Variants in TMEM272 observed in about 807,000 individuals in gnomAD.
TMEM272 encodes the protein long intergenic non-protein coding RNA 282.
A neutral mutation model predicts 3.7 loss-of-function variants in TMEM272; 8 were observed. That is an observed-to-expected ratio of 2.17 (90% CI 1.27 to 3.91). The LOEUF is 3.91. Among genes scored for constraint, TMEM272 ranks in the 30% most tolerant of loss-of-function variants. The probability of loss-of-function intolerance (pLI) is 0.00; values close to 1 mark genes in which losing one functional copy is unlikely to be tolerated. For synonymous variants in TMEM272, 63 were observed against 39.8 expected (o/e 1.58, Z -2.20); for missense variants, 166 against 91.5 (o/e 1.81, Z -3.32).
chr13:51,844,258 G>A (rs199827954), intron 1 of TMEM272, among the ~76,000 whole-genome samples: 4 of 112,606 alleles, frequency 3.6e-5, no homozygotes, highest in Non-Finnish European at 7.4e-5. Context: ...ATATATATAT[G>A]ATTGTGTTTT....
upstream of TMEM272, among the ~76,000 whole-genome samples, chr13:51,846,041 C>T (rs1229469736): frequency 6.6e-6 from 1 of 152,158 alleles, no homozygotes; most frequent in Non-Finnish European, 1.5e-5. Flanking sequence ...AAGAGAAGAG[C>T]CTATTATGTA....
At chr13:51,822,353 C>A (rs1178382311) in intron 3 of TMEM272, among the ~76,000 whole-genome samples, 1 of 152,182 alleles carries the variant, frequency 6.6e-6, no homozygotes, top group African/African-American at 2.4e-5. Flanking sequence ...GCGATAAATA[C>A]TCCCGCAGAC....
At chr13:51,923,979 A>G in the TMEM272 span, among the ~76,000 whole-genome samples, 3 of 152,200 alleles carry the variant, frequency 2.0e-5, no homozygotes, top group Admixed American at 6.5e-5. Flanking sequence ...TGGGGGCTCT[A>G]TGAATTATCT....
chr13:51,853,918 CTCTATTT>C, the TMEM272 span, among the ~76,000 whole-genome samples: 1 of 152,114 alleles, frequency 6.6e-6, no homozygotes, highest in South Asian at 2.1e-4. Context: ...TTCATCTTTG[CTCTATTT>C]TCTGATTTCT....
At chr13:51,920,577 C>T in the TMEM272 span, among the ~76,000 whole-genome samples, 1 of 152,174 alleles carries the variant, frequency 6.6e-6, no homozygotes, top group Non-Finnish European at 1.5e-5. Context: ...CCATCCTACC[C>T]ATGTGCACCA....
chr13:51,843,020 AAT>A (rs1469004862), intron 1 of TMEM272, among the ~76,000 whole-genome samples: 3 of 152,262 alleles, frequency 2.0e-5, no homozygotes, highest in African/African-American at 7.2e-5. Context: ...TGCCACCAGC[AAT>A]ATGAGAGTGG....
chr13:51,884,829 A>G, the TMEM272 span, among the ~76,000 whole-genome samples: 1 of 152,214 alleles, frequency 6.6e-6, no homozygotes, highest in Non-Finnish European at 1.5e-5. Context: ...AGCACTTAGG[A>G]CATCACCTGG....
At chr13:51,855,013 A>G in the TMEM272 span, among the ~76,000 whole-genome samples, 1 of 152,186 alleles carries the variant, frequency 6.6e-6, no homozygotes, top group African/African-American at 2.4e-5. Context: ...AGGGAGAAAA[A>G]TTTTGAGACC....
chr13:51,838,547 C>A lies in TMEM272; in HGVS notation c.-17G>T, dbSNP rs1364746604. On this transcript the variant is annotated 5_prime_UTR_variant, in exon 2 of 5. Coordinates refer to ENST00000629372, the MANE Select transcript of TMEM272 (RefSeq NM_001351003.2). ...TCCTGGCATTGTTCTTGCTCGCTGA[C>A]AAAGTTCTGAGGATCAAAAATAATT... 8.5e-6 allele frequency: 6 copies of A among 703,028 alleles called. No homozygotes were observed. The East Asian group carries it at 1.6e-4, about 19-fold the overall frequency. 43.5% of individuals were successfully genotyped at this position (703,028 alleles called of 1,614,324 possible).
At chr13:51,852,745 G>A in the TMEM272 span, among the ~76,000 whole-genome samples, 1 of 152,074 alleles carries the variant, frequency 6.6e-6, no homozygotes, top group African/African-American at 2.4e-5. Context: ...CGGGCGTGGT[G>A]GCGGGCTTCT....
At chr13:51,879,935 C>T in the TMEM272 span, among the ~76,000 whole-genome samples, 3 of 152,096 alleles carry the variant, frequency 2.0e-5, no homozygotes, top group South Asian at 2.1e-4. Context: ...AACAGGGAGT[C>T]GAGTCATTAT....
At chr13:51,910,721 T>C in the TMEM272 span, 2 of 385,184 alleles carry the variant, frequency 5.2e-6, no homozygotes, top group East Asian at 1.3e-4. Flanking sequence ...AACTCAAATC[T>C]GCGCCAGGCA....
the TMEM272 span, among the ~76,000 whole-genome samples, chr13:51,924,160 T>A: frequency 6.6e-6 from 1 of 152,182 alleles, no homozygotes; most frequent in Non-Finnish European, 1.5e-5. Flanking sequence ...CATTCCTGTC[T>A]GGGACTGGCC....
At chr13:51,924,551 T>C in the TMEM272 span, among the ~76,000 whole-genome samples, 1 of 152,130 alleles carries the variant, frequency 6.6e-6, no homozygotes, top group Non-Finnish European at 1.5e-5. Flanking sequence ...ACTTCTGCAT[T>C]CTTGGGGCCA....
rs184754136 is a variant in TMEM272 at position 51,817,966 on chromosome 13, G to A, written c.202-853C>T. 8.7e-4 allele frequency among the ~76,000 whole-genome samples: 132 copies of A among 152,314 alleles called. 1 individual carries two copies. The highest frequency in any genetic ancestry group is 2.8e-3 in the African/African-American group (118 of 41,566). Reference sequence around the variant, plus strand: ...CACACTTTCCCCCTGGAAATGCAGCGGTGGAAGGACACAGGTGGTCTTTGC... The same window carrying A: ...CACACTTTCCCCCTGGAAATGCAGCAGTGGAAGGACACAGGTGGTCTTTGC... On this transcript the variant is annotated intron_variant, in intron 4 of 4. Transcript: ENST00000629372.
chr13:51,925,123 G>A, the TMEM272 span, among the ~76,000 whole-genome samples: 18 of 152,152 alleles, frequency 1.2e-4, no homozygotes, highest in African/African-American at 4.3e-4. Context: ...GAAGGAATGC[G>A]CCACTGTTTA....
the TMEM272 span, among the ~76,000 whole-genome samples, chr13:51,888,112 C>G: frequency 6.6e-6 from 1 of 150,950 alleles, no homozygotes; most frequent in Non-Finnish European, 1.5e-5. Context: ...GTGGCGTAAT[C>G]TCAGCTCACT....
the TMEM272 span, among the ~76,000 whole-genome samples, chr13:51,888,639 CTTTTTTTTT>C: frequency 8.7e-4 from 67 of 76,800 alleles, no homozygotes; most frequent in African/African-American, 2.5e-3. Context: ...TTTTCTTTTT[CTTTTTTTTT>C]TTTTTTTTTT....
intron 2 of TMEM272, among the ~76,000 whole-genome samples, chr13:51,826,975 C>G (rs994876865): frequency 3.9e-5 from 6 of 152,232 alleles, no homozygotes; most frequent in African/African-American, 1.4e-4. Flanking sequence ...CTGAGCCAGG[C>G]AGGATTCACC....
Sources: allele counts gnomAD v4.1 joint callset (sites outside exome capture counted in the v4.1 genomes callset), GRCh38; gene constraint gnomAD v4.1.1; transcripts MANE v1.5; gene names NCBI Gene and HGNC (gene_info 2026-07-23, HGNC 2026-07-21).